Variants in RANBP2 observed in about 807,000 individuals in gnomAD.
RANBP2 encodes the protein E3 SUMO-protein ligase RanBP2.
RANBP2 carries 57 observed loss-of-function variants against 303.6 expected under a neutral mutation model. The ratio of observed to expected loss-of-function variants is 0.19; its 90% confidence interval spans 0.15 to 0.23. The LOEUF is 0.23. Among genes scored for constraint, RANBP2 ranks in the 10% least tolerant of loss-of-function variants. The pLI is 1.00. For synonymous variants in RANBP2, 1,167 were observed against 1,301.5 expected (o/e 0.90, Z 2.23); for missense variants, 3,138 against 3,780.8 (o/e 0.83, Z 4.46).
chr2:109,612,309 G>C, the RANBP2 span, among the ~76,000 whole-genome samples: 2 of 152,182 alleles, frequency 1.3e-5, no homozygotes, highest in Non-Finnish European at 2.9e-5. Context: ...GAAGGAGGCA[G>C]GGCAGGAAAG....
At chr2:109,132,343 A>G in the RANBP2 span, among the ~76,000 whole-genome samples, 32 of 152,208 alleles carry the variant, frequency 2.1e-4, no homozygotes, top group African/African-American at 7.2e-4. Context: ...TTTATTTAAA[A>G]AAAAGTTTTA....
rs1365090318 is a variant in RANBP2, at chr2:108,771,783, G to A, written c.7932G>A (p.Gln2644=). ...IVYELTPTAE[Q]KALATKLKLP... is the part of the protein sequence containing the mutation. ...ATGAACTAACTCCAACCGCTGAGCA[G>A]AAAGCCCTTGCAACCAAACTTAAAC... Residue 2644 remains glutamine, a synonymous_variant, in exon 21 of 29, where the codon CAG becomes CAA. Transcript: ENST00000283195. 6.2e-7 allele frequency: 1 copy of A among 1,614,036 alleles called. No homozygotes were observed.
the RANBP2 span, among the ~76,000 whole-genome samples, chr2:108,823,479 G>A: frequency 2.0e-5 from 3 of 152,162 alleles, no homozygotes; most frequent in African/African-American, 7.2e-5. Context: ...GACTTTTTGT[G>A]CAAACATTGT....
At chr2:108,853,969 TATATATA>T in the RANBP2 span, among the ~76,000 whole-genome samples, 4 of 112,130 alleles carry the variant, frequency 3.6e-5, no homozygotes, top group African/African-American at 1.4e-4. Context: ...TATAATAAAA[TATATATA>T]ATATATAATA....
chr2:108,807,014 A>C, the RANBP2 span, among the ~76,000 whole-genome samples: 1 of 152,212 alleles, frequency 6.6e-6, no homozygotes, highest in African/African-American at 2.4e-5. Flanking sequence ...GTTCCTGATC[A>C]GATTAAGGTG....
chr2:109,403,992 A>G, the RANBP2 span, among the ~76,000 whole-genome samples: 4 of 152,094 alleles, frequency 2.6e-5, no homozygotes, highest in Admixed American at 2.0e-4. Context: ...TGCTCAGGGA[A>G]TCAGGGAATG....
chr2:109,565,680 G>T, the RANBP2 span: 2 of 1,174,964 alleles, frequency 1.7e-6, no homozygotes, highest in Non-Finnish European at 1.3e-6. Context: ...TCCAAACTAA[G>T]CATCACCCCA....
Position 108,772,944 on chromosome 2 carries a change from A to C in RANBP2, c.8190A>C (p.Lys2730Asn), listed in dbSNP as rs1160561861. 1.9e-6 allele frequency: 3 copies of C among 1,613,954 alleles called. No homozygotes were observed. The highest frequency in any genetic ancestry group is 4.5e-5 in the East Asian group (2 of 44,870). The change falls in exon 23 of 29, where the codon AAA (lysine) becomes AAC (asparagine). Residue 2730 changes from lysine to asparagine, a missense_variant. Coordinates refer to ENST00000283195, the MANE Select transcript of RANBP2 (RefSeq NM_006267.5). ...AGAAGGCAAAAGCAGATACGTTAAA[A>C]CTTCCACCTACATTTTTTTGTGGAG... ...VEEKAKADTL[K>N]LPPTFFCGVC...
the RANBP2 span, among the ~76,000 whole-genome samples, chr2:109,287,795 C>T: frequency 1.2e-4 from 18 of 152,282 alleles, no homozygotes; most frequent in Non-Finnish European, 2.1e-4. Flanking sequence ...ATTAAAGCTT[C>T]GCACTGTTGC....
At chr2:109,028,844 G>C in the RANBP2 span, among the ~76,000 whole-genome samples, 7 of 152,186 alleles carry the variant, frequency 4.6e-5, no homozygotes, top group Non-Finnish European at 4.4e-5. Context: ...ACACTCTCAG[G>C]ATCTGTGTGG....
At chr2:109,246,535 C>A in the RANBP2 span, among the ~76,000 whole-genome samples, 1 of 152,238 alleles carries the variant, frequency 6.6e-6, no homozygotes, top group Non-Finnish European at 1.5e-5. Context: ...CCATTGCATA[C>A]TCCAAGGAAT....
chr2:109,691,752 C>T, the RANBP2 span, among the ~76,000 whole-genome samples: 1 of 148,316 alleles, frequency 6.7e-6, no homozygotes, highest in Non-Finnish European at 1.5e-5. Context: ...CCACCTCCAA[C>T]TTTAGGCCCC....
chr2:108,763,996 A>G lies in RANBP2; in HGVS notation c.3457A>G (p.Asn1153Asp), dbSNP rs778276182. 8.7e-6 allele frequency: 14 copies of G among 1,613,962 alleles called. No individual in the cohort carries two copies. In the South Asian group the frequency reaches 1.4e-4, roughly 16 times the overall value. The change falls in exon 20 of 29, where the codon AAT (asparagine) becomes GAT (aspartate). Residue 1153 changes from asparagine (N) to aspartate (D), a missense_variant. Asn to Asp is a conservative substitution (Grantham distance 23). This residue lies in a region of RANBP2 where 403 missense variants were observed against 376.7 expected (regional missense o/e 1.07). Transcript: ENST00000283195. ...ACCCACTTTAGAGACAGCAAACAAG[A>G]ATCATGAGACAGATGGAGGAAGTGC... ...GTPTLETANK[N>D]HETDGGSAHG...
the RANBP2 span, among the ~76,000 whole-genome samples, chr2:109,518,840 C>A: frequency 4.0e-5 from 6 of 149,586 alleles, no homozygotes; most frequent in East Asian, 1.2e-3. Flanking sequence ...AGGAAACTTA[C>A]AATCGTGGCA....
chr2:109,486,762 T>G, the RANBP2 span, among the ~76,000 whole-genome samples: 5 of 151,826 alleles, frequency 3.3e-5, no homozygotes, highest in Admixed American at 1.3e-4. Context: ...CTGAGGGCAC[T>G]GGGTGGTGGG....
chr2:108,754,024 G>A (rs1299621880), intron 15 of RANBP2, 53 bp downstream of exon 15: 18 of 1,610,982 alleles, frequency 1.1e-5, no homozygotes, highest in Admixed American at 3.3e-5. Flanking sequence ...ACTGGTCAAT[G>A]TTTTTGCGTT....
chr2:109,724,034 C>T, the RANBP2 span, among the ~76,000 whole-genome samples: 3 of 152,148 alleles, frequency 2.0e-5, no homozygotes, highest in Middle Eastern at 3.2e-3. Context: ...AATCCTTCCC[C>T]CATTGCTTGT....
chr2:108,928,445 C>T, the RANBP2 span, among the ~76,000 whole-genome samples: 2 of 152,176 alleles, frequency 1.3e-5, no homozygotes, highest in African/African-American at 2.4e-5. Flanking sequence ...GGCCTCATCA[C>T]TGCCATCACC....
chr2:109,632,366 G>GGCTGA, the RANBP2 span, among the ~76,000 whole-genome samples: 4 of 152,174 alleles, frequency 2.6e-5, no homozygotes, highest in African/African-American at 4.8e-5. Context: ...CTTGTGGCTG[G>GGCTGA]TGTCTGAAGG....
Sources: gnomAD v4.1 joint callset for allele counts (sites outside exome capture counted in the v4.1 genomes callset) on GRCh38, gnomAD v4.1.1 for gene constraint, gnomAD v4.1.1 regional missense constraint, MANE v1.5 for transcripts, NCBI Gene and HGNC (gene_info 2026-07-23, HGNC 2026-07-21) for gene names.